The following EXO1 variants were observed in gnomAD, a reference collection of about 807,000 sequenced individuals.
EXO1 encodes the protein exonuclease 1.
EXO1 carries 69 observed loss-of-function variants against 84.5 expected under a neutral mutation model. That is an observed-to-expected ratio of 0.82 (90% CI 0.67 to 1.00). The LOEUF (loss-of-function observed/expected upper bound fraction) is 1.00, where lower values mean the gene tolerates loss of function less well. Among genes scored for constraint, EXO1 ranks in the 50% least tolerant of loss-of-function variants. The pLI is 0.00. For synonymous variants in EXO1, 373 were observed against 366.1 expected, an observed-to-expected ratio of 1.02 and a Z score of -0.21; for missense variants, 1,045 against 1,000.7, an observed-to-expected ratio of 1.04 and a Z score of -0.60.
chr1:241,855,641 G>T (rs954767785), intron 6 of EXO1, among the ~76,000 whole-genome samples: 7 of 152,218 alleles, frequency 4.6e-5, no homozygotes, highest in South Asian at 4.1e-4. Context: ...GGTGGTGCTC[G>T]TTGGGGAGGC....
At chr1:241,885,930 C>T (rs1341575111) in intron 15 of EXO1, among the ~76,000 whole-genome samples, 3 of 151,500 alleles carry the variant, frequency 2.0e-5, no homozygotes, top group African/African-American at 7.3e-5. Flanking sequence ...CTCCACTCAC[C>T]GCAACCTCCG....
rs745668030 is a variant in EXO1, at chr1:241,860,608, T to C, written c.848T>C (p.Leu283Pro). 6.2e-7 allele frequency: 1 copy of C among 1,613,824 alleles called. No individual in the cohort carries two copies. Among genetic ancestry groups the C allele is most frequent in the Non-Finnish European group, 8.5e-7 (1 of 1,179,708 alleles). The change falls in exon 9 of 16, where the codon CTC (leucine) becomes CCC (proline). Residue 283 changes from leucine (L) to proline (P), a missense_variant. By Grantham distance (98) the Leu-to-Pro change is moderately conservative. Transcript: ENST00000366548. ...TTTATTCGGGCCAACAATACCTTCC[T>C]CTATCAGCTAGTTTTTGATCCCATC... ...NGFIRANNTFLYQLVFDPIKR... is the reference protein window; with the variant it reads ...NGFIRANNTFPYQLVFDPIKR...
At chr1:241,885,700 G>C in intron 15 of EXO1, 193 bp downstream of exon 15, 1 of 575,184 alleles carries the variant, frequency 1.7e-6, no homozygotes, top group Non-Finnish European at 3.1e-6. Context: ...TTCATAAAAA[G>C]ATGGCAAACT....
intron 10 of EXO1, among the ~76,000 whole-genome samples, chr1:241,865,671 CAT>C (rs1661672813): frequency 6.6e-6 from 1 of 152,078 alleles, no homozygotes. Context: ...TTGTCCTTCT[CAT>C]AGAGAAATTT....
intron 6 of EXO1, among the ~76,000 whole-genome samples, chr1:241,853,731 G>A (rs1268408033): frequency 6.6e-6 from 1 of 151,968 alleles, no homozygotes. Flanking sequence ...GAAGGAACAG[G>A]GCCAGGCACG....
rs1444134290 is a variant in EXO1 at position 241,858,524 on chromosome 1, C to T, written c.562C>T (p.Gln188Ter). The T allele has an allele frequency of 4.3e-6, 7 of 1,613,518 alleles. No individual in the cohort carries two copies. Among genetic ancestry groups the T allele is most frequent in the Non-Finnish European group, 5.9e-6 (7 of 1,179,526 alleles). Residue 188 changes from glutamine to a stop codon, truncating the protein, a stop_gained, in exon 8 of 16, where the codon CAG (glutamine) becomes TAG (stop). Coordinates refer to ENST00000366548, the MANE Select transcript of EXO1 (RefSeq NM_130398.4). LOFTEE classifies it high-confidence loss of function. ...TTTGAAGGTAATTTTAAAGATGGAC[C>T]AGTTTGGAAATGGACTTGAAATTGA... The part of the protein sequence containing the change: ...GCKKVILKMD[Q>*]FGNGLEIDQA...
intron 10 of EXO1, 34 bp downstream of exon 10, chr1:241,861,536 T>TTA (rs1661384627): frequency 3.6e-6 from 4 of 1,113,202 alleles, no homozygotes; most frequent in Non-Finnish European, 5.5e-6. Flanking sequence ...TGAAAACACG[T>TTA]TTTAGTTATG....
rs775851634 is a variant in EXO1, at chr1:241,857,351, C to T, written c.412C>T (p.Arg138Trp). 6.2e-6 allele frequency: 10 copies of T among 1,613,330 alleles called. No homozygotes were observed. Among genetic ancestry groups the T allele is most frequent in the Admixed American group, 5.0e-5 (3 of 59,946 alleles). The change falls in exon 7 of 16, where the codon CGG (arginine) becomes TGG (tryptophan). Residue 138 changes from arginine to tryptophan, a missense_variant. By Grantham distance (101) the Arg-to-Trp change is moderately radical. Coordinates refer to ENST00000366548, the MANE Select transcript of EXO1 (RefSeq NM_130398.4). The part of the protein sequence containing the change: ...AMAHKVIKAA[R>W]SQGVDCLVAP... Reference sequence around the variant, plus strand: ...CTGTGATTCTCTCTTCTAGGCTGCCCGGTCTCAGGGGGTAGATTGCCTCGT... The same window carrying T: ...CTGTGATTCTCTCTTCTAGGCTGCCTGGTCTCAGGGGGTAGATTGCCTCGT...
At chr1:241,865,215 C>CTT (rs76945375) in intron 10 of EXO1, among the ~76,000 whole-genome samples, 114 of 138,044 alleles carry the variant, frequency 8.3e-4, no homozygotes, top group South Asian at 1.2e-3. Context: ...TTGAATATCT[C>CTT]TTTTTTTTTT....
At position 241,857,353 on chromosome 1, in the gene EXO1, G is replaced by A. The variant is rs777068778; in HGVS notation, c.414G>A (p.Arg138=). The change falls in exon 7 of 16, where the codon CGG becomes CGA. Residue 138 remains arginine, a synonymous_variant. Coordinates refer to ENST00000366548, the MANE Select transcript of EXO1 (RefSeq NM_130398.4). ...AMAHKVIKAA[R]SQGVDCLVAP... ...GTGATTCTCTCTTCTAGGCTGCCCG[G>A]TCTCAGGGGGTAGATTGCCTCGTGG... The A allele has an allele frequency of 1.9e-6, 3 of 1,613,554 alleles. No individual in the cohort carries two copies. In the Admixed American group the frequency reaches 5.0e-5, roughly 27 times the overall value.
At chr1:241,854,825 C>T (rs4149876) in intron 6 of EXO1, 12,043 of 154,660 alleles carry the variant, frequency 0.078, 732 homozygotes, top group Admixed American at 0.19. Context: ...GAGTTTATTC[C>T]TTCTGATGTT....
chr1:241,877,724 T>G (rs1185866438), intron 12 of EXO1, among the ~76,000 whole-genome samples: 1 of 152,222 alleles, frequency 6.6e-6, no homozygotes, highest in African/African-American at 2.4e-5. Flanking sequence ...CATTGGAATT[T>G]TTTTTTAAAG....
chr1:241,866,562 A>AT (rs34121929), intron 10 of EXO1, among the ~76,000 whole-genome samples: 47,631 of 119,084 alleles, frequency 0.4, 10,176 homozygotes, highest in Non-Finnish European at 0.48. Context: ...GCAACTCTTG[A>AT]TTTTTTTTTT....
intron 12 of EXO1, among the ~76,000 whole-genome samples, chr1:241,874,542 T>C (rs1442951984): frequency 6.6e-6 from 1 of 152,222 alleles, no homozygotes; most frequent in African/African-American, 2.4e-5. Flanking sequence ...AAGGACCAGT[T>C]GGGCTGTTGC....
intron 15 of EXO1, among the ~76,000 whole-genome samples, chr1:241,887,086 T>C (rs1635484): frequency 0.95 from 144,148 of 152,284 alleles, 68,391 homozygotes; most frequent in Non-Finnish European, 0.98. Flanking sequence ...TTGTAGTTTC[T>C]TTAGGTCAGT....
intron 11 of EXO1, among the ~76,000 whole-genome samples, chr1:241,867,593 A>G (rs1661823862): frequency 6.6e-6 from 1 of 152,066 alleles, no homozygotes; most frequent in South Asian, 2.1e-4. Context: ...TTTTTTTAAT[A>G]CGATGTGATG....
chr1:241,862,473 C>G (rs543299423), intron 10 of EXO1, among the ~76,000 whole-genome samples: 1 of 152,260 alleles, frequency 6.6e-6, no homozygotes, highest in African/African-American at 2.4e-5. Context: ...CTGTCTCTTG[C>G]GTCTCTGATT....
chr1:241,858,551 C>A lies in EXO1; in HGVS notation c.589C>A (p.Gln197Lys). Residue 197 changes from glutamine to lysine, a missense_variant, in exon 8 of 16, where the codon CAA becomes AAA. Gln to Lys is a moderately conservative substitution (Grantham distance 53). Transcript: ENST00000366548. ...DQFGNGLEID[Q>K]ARLGMCRQLG... ...GTTTGGAAATGGACTTGAAATTGAT[C>A]AAGCTCGGCTAGGAATGTGCAGACA... 3 of 1,614,088 alleles carry A rather than the reference C, an allele frequency of 1.9e-6. No homozygotes were observed. In the South Asian group the frequency reaches 3.3e-5, roughly 18 times the overall value.
At chr1:241,871,912 T>C (rs1043185445) in intron 11 of EXO1, 120 bp from the exon 12 acceptor site, 2 of 219,436 alleles carry the variant, frequency 9.1e-6, no homozygotes, top group Non-Finnish European at 1.5e-5. Context: ...TGAGGCATAG[T>C]TTTTTTTTTT....
Sources: allele counts gnomAD v4.1 joint callset (sites outside exome capture counted in the v4.1 genomes callset), GRCh38; gene constraint gnomAD v4.1.1; transcripts MANE v1.5; gene names NCBI Gene and HGNC (gene_info 2026-07-23, HGNC 2026-07-21).